The following ZNF599 variants were observed in gnomAD, a reference collection of about 807,000 sequenced individuals.
ZNF599 encodes the protein zinc finger protein 599.
Under a neutral mutation model 11.7 loss-of-function variants are expected in ZNF599, and 10 were observed. That is an observed-to-expected ratio of 0.86 (90% CI 0.53 to 1.45). The LOEUF (loss-of-function observed/expected upper bound fraction) is 1.45. ZNF599 is among the 40% of genes most tolerant of loss of function. The pLI is 0.00. For synonymous variants in ZNF599, 232 were observed against 253.2 expected, an observed-to-expected ratio of 0.92 and a Z score of 0.79; for missense variants, 688 against 713.6, an observed-to-expected ratio of 0.96 and a Z score of 0.41.
At chr19:34,765,927 G>A (rs2069139367) in intron 3 of ZNF599, among the ~76,000 whole-genome samples, 1 of 152,266 alleles carries the variant, frequency 6.6e-6, no homozygotes, top group South Asian at 2.1e-4. Context: ...GTGAAGGTGA[G>A]GATTCAGGAG....
chr19:34,759,761 G>T lies in ZNF599; in HGVS notation c.1040C>A (p.Ala347Asp), dbSNP rs932168269. The change falls in exon 4 of 4, where the codon GCC becomes GAC. Residue 347 changes from alanine to aspartate, a missense_variant. Coordinates refer to ENST00000329285, the MANE Select transcript of ZNF599 (RefSeq NM_001007248.3). ...GATAAATGTGGAGCGGTGCGTGAAG[G>T]CCTTTCCACATTCACCGCACTCATA... ...KLYECGECGK[A>D]FTHRSTFIQH... 2.5e-6 allele frequency: 4 copies of T among 1,614,142 alleles called. No homozygotes were observed. Among genetic ancestry groups the T allele is most frequent in the Non-Finnish European group, 3.4e-6 (4 of 1,180,002 alleles).
chr19:34,783,994 A>G, the ZNF599 span, among the ~76,000 whole-genome samples: 1 of 152,278 alleles, frequency 6.6e-6, no homozygotes, highest in South Asian at 2.1e-4. Context: ...TGCAACCAGG[A>G]GCTCATCCTG....
the ZNF599 span, among the ~76,000 whole-genome samples, chr19:34,794,239 T>C: frequency 6.6e-6 from 1 of 152,182 alleles, no homozygotes; most frequent in East Asian, 1.9e-4. Flanking sequence ...GTGGGAATTA[T>C]AGGAGCTACA....
intron 1 of ZNF599, chr19:34,772,481 A>G: frequency 1.7e-6 from 2 of 1,184,060 alleles, no homozygotes; most frequent in South Asian, 5.7e-5. Context: ...GCAGTGAAAG[A>G]CAGGACCCAC....
At chr19:34,786,114 G>C in the ZNF599 span, among the ~76,000 whole-genome samples, 1 of 152,122 alleles carries the variant, frequency 6.6e-6, no homozygotes, top group African/African-American at 2.4e-5. Context: ...TGCTGACAAA[G>C]ATCTTCTCAA....
At chr19:34,782,110 G>A in the ZNF599 span, among the ~76,000 whole-genome samples, 288 of 152,268 alleles carry the variant, frequency 1.9e-3, 1 homozygote, top group Non-Finnish European at 2.9e-3. Flanking sequence ...CAAGGCCAAG[G>A]CCCCTCTAAC....
the ZNF599 span, among the ~76,000 whole-genome samples, chr19:34,787,903 C>T: frequency 7.9e-5 from 12 of 152,258 alleles, no homozygotes; most frequent in Admixed American, 2.0e-4. Flanking sequence ...TCATTACAGT[C>T]GGCCCTCTGT....
the ZNF599 span, among the ~76,000 whole-genome samples, chr19:34,796,618 G>A: frequency 1.3e-5 from 2 of 152,096 alleles, no homozygotes; most frequent in African/African-American, 2.4e-5. Flanking sequence ...GCCTTTCCAA[G>A]TTTTTAAGAG....
intron 3 of ZNF599, among the ~76,000 whole-genome samples, chr19:34,761,703 G>A (rs977210585): frequency 6.6e-6 from 1 of 152,122 alleles, no homozygotes; most frequent in Non-Finnish European, 1.5e-5. Flanking sequence ...TTCAATAAAT[G>A]GATCTAGAAA....
the ZNF599 span, among the ~76,000 whole-genome samples, chr19:34,786,243 T>C: frequency 6.6e-6 from 1 of 151,996 alleles, no homozygotes; most frequent in Non-Finnish European, 1.5e-5. Flanking sequence ...CTTACCAGAA[T>C]CCCCCCTTAC....
At chr19:34,786,737 C>G in the ZNF599 span, among the ~76,000 whole-genome samples, 2 of 152,154 alleles carry the variant, frequency 1.3e-5, no homozygotes, top group African/African-American at 4.8e-5. Flanking sequence ...CCTAAAGGAG[C>G]CACATCTAGA....
At chr19:34,775,827 G>A (rs549677203), upstream of ZNF599, among the ~76,000 whole-genome samples, 50 of 152,228 alleles carry the variant, frequency 3.3e-4, no homozygotes, top group African/African-American at 9.6e-4. Context: ...AAACATATTA[G>A]TAAATTTATA....
chr19:34,774,494 T>C (rs2069207074), upstream of ZNF599, among the ~76,000 whole-genome samples: 1 of 152,196 alleles, frequency 6.6e-6, no homozygotes, highest in South Asian at 2.1e-4. Context: ...ATCCCCAGGA[T>C]GGAGCAGAAA....
At chr19:34,779,406 C>G in the ZNF599 span, 1 of 449,238 alleles carries the variant, frequency 2.2e-6, no homozygotes, top group Non-Finnish European at 4.5e-6. Flanking sequence ...CAGCCCTGAC[C>G]TTTTTCCATA....
upstream of ZNF599, among the ~76,000 whole-genome samples, chr19:34,774,871 G>A (rs2069209578): frequency 1.3e-5 from 2 of 152,108 alleles, no homozygotes; most frequent in Admixed American, 1.3e-4. Context: ...AATATTATGG[G>A]GCCTGTTGGG....
At chr19:34,767,678 T>G (rs565724545) in intron 2 of ZNF599, among the ~76,000 whole-genome samples, 2 of 152,282 alleles carry the variant, frequency 1.3e-5, no homozygotes, top group Admixed American at 1.3e-4. Context: ...TGGTAGTTTT[T>G]AAAGCTCCCC....
Position 34,759,885 on chromosome 19 carries a change from T to C in ZNF599, c.916A>G (p.Thr306Ala), listed in dbSNP as rs2069099135. The C allele has an allele frequency of 1.2e-6, 2 of 1,613,876 alleles. No homozygotes were observed. Among genetic ancestry groups the C allele is most frequent in the African/African-American group, 2.7e-5 (2 of 74,932 alleles). Residue 306 changes from threonine to alanine, a missense_variant, in exon 4 of 4, where the codon ACT becomes GCT. Transcript: ENST00000329285. ...TTGCATAAAAAGGGTTTTTCTCGAGTGTGAGTCATATTATGCTGGATAAAA... is the reference window on the plus strand; with the variant it reads ...TTGCATAAAAAGGGTTTTTCTCGAGCGTGAGTCATATTATGCTGGATAAAA... Reference protein sequence around the residue: ...SSFIQHNMTHTREKPFLCKEC... With the variant: ...SSFIQHNMTHAREKPFLCKEC...
chr19:34,767,694 A>C (rs2069154019), intron 2 of ZNF599, among the ~76,000 whole-genome samples: 1 of 152,168 alleles, frequency 6.6e-6, no homozygotes, highest in Non-Finnish European at 1.5e-5. Flanking sequence ...TCCCCAGGTG[A>C]TTTTGGTGCC....
Position 34,760,313 on chromosome 19 carries a change from A to G in ZNF599, c.488T>C (p.Leu163Pro). 3.1e-6 allele frequency: 5 copies of G among 1,614,208 alleles called. No homozygotes were observed. The highest frequency in any genetic ancestry group is 4.2e-6 in the Non-Finnish European group (5 of 1,180,036). ...TCGTTCCTGTAAAACCCTTAAGCCCAGACTATCATCTGGCTCCAAATCATC... is the reference window on the plus strand; with the variant it reads ...TCGTTCCTGTAAAACCCTTAAGCCCGGACTATCATCTGGCTCCAAATCATC... ...KHDDLEPDDS[L>P]GLRVLQERVT... Residue 163 changes from leucine (L) to proline (P), a missense_variant, in exon 4 of 4, where the codon CTG becomes CCG. Transcript: ENST00000329285.
Sources: gnomAD v4.1 joint callset for allele counts (sites outside exome capture counted in the v4.1 genomes callset) on GRCh38, gnomAD v4.1.1 for gene constraint, MANE v1.5 for transcripts, NCBI Gene and HGNC (gene_info 2026-07-23, HGNC 2026-07-21) for gene names.